The following RANBP2 variants were observed in gnomAD, a reference collection of about 807,000 sequenced individuals.
RANBP2 encodes RAN binding protein 2, also known as E3 SUMO-protein ligase RanBP2.
RANBP2 carries 57 observed loss-of-function variants against 303.6 expected under a neutral mutation model. The ratio of observed to expected loss-of-function variants is 0.19; its 90% CI spans 0.15 to 0.23. The LOEUF is 0.23. Ranked by LOEUF, RANBP2 falls within the 10% of genes least tolerant of loss-of-function variation. The pLI is 1.00. For missense variants in RANBP2, 3,138 were observed against 3,780.8 expected (o/e 0.83, Z 4.46); for synonymous variants, 1,167 against 1,301.5 (o/e 0.90, Z 2.23).
At chr2:109,488,312 G>C in the RANBP2 span, among the ~76,000 whole-genome samples, 1 of 152,188 alleles carries the variant, frequency 6.6e-6, no homozygotes, top group South Asian at 2.1e-4. Flanking sequence ...GCACCCCTGA[G>C]TTGTGACAGC....
chr2:109,012,589 T>G, the RANBP2 span, among the ~76,000 whole-genome samples: 6 of 149,608 alleles, frequency 4.0e-5, no homozygotes, highest in Non-Finnish European at 8.8e-5. Context: ...TCCACCCTGC[T>G]TTCTCCTCTT....
chr2:109,391,684 G>A, the RANBP2 span, among the ~76,000 whole-genome samples: 1 of 152,198 alleles, frequency 6.6e-6, no homozygotes. Flanking sequence ...TAAGAGTTTG[G>A]CATTGTCCAC....
chr2:109,405,561 C>T, the RANBP2 span, among the ~76,000 whole-genome samples: 1 of 152,218 alleles, frequency 6.6e-6, no homozygotes, highest in South Asian at 2.1e-4. Flanking sequence ...TCCCTTCCCA[C>T]CTGCCCATGT....
chr2:109,246,245 A>G, the RANBP2 span, among the ~76,000 whole-genome samples: 1 of 152,192 alleles, frequency 6.6e-6, no homozygotes, highest in Non-Finnish European at 1.5e-5. Context: ...TTTATTTCCC[A>G]CAGTTCTAGA....
At chr2:108,962,548 G>A in the RANBP2 span, among the ~76,000 whole-genome samples, 4 of 151,796 alleles carry the variant, frequency 2.6e-5, no homozygotes, top group African/African-American at 7.3e-5. Context: ...GGTGGCGGGC[G>A]CCTGTAGTCC....
chr2:108,825,926 T>TA, the RANBP2 span, among the ~76,000 whole-genome samples: 2 of 152,204 alleles, frequency 1.3e-5, no homozygotes, highest in African/African-American at 2.4e-5. Flanking sequence ...GGTCAAAACA[T>TA]ACGGATTTAA....
At chr2:108,848,653 T>G in the RANBP2 span, among the ~76,000 whole-genome samples, 3 of 152,182 alleles carry the variant, frequency 2.0e-5, no homozygotes, top group Non-Finnish European at 4.4e-5. Flanking sequence ...TAGGGAAATT[T>G]ATGTGGAAAA....
chr2:108,777,208 G>A lies in RANBP2; in HGVS notation c.8576G>A (p.Gly2859Glu). The A allele has an allele frequency of 6.2e-7, 1 of 1,613,482 alleles. No individual in the cohort carries two copies. The highest frequency in any genetic ancestry group is 8.5e-7 in the Non-Finnish European group (1 of 1,179,572). The change falls in exon 25 of 29, where the codon GGA becomes GAA. Residue 2859 changes from glycine to glutamate, a missense_variant. Physicochemically the swap from Gly to Glu is moderately conservative, Grantham distance 98. Coordinates refer to ENST00000283195, the MANE Select transcript of RANBP2 (RefSeq NM_006267.5). ...SFADLASSNS[G>E]DFAFGSKDKN... is the part of the protein sequence containing the mutation. The stretch of plus-strand genomic sequence containing the variant: ...GCAGACTTGGCTTCCAGTAATTCTG[G>A]AGATTTTGCTTTTGGTTCTAAAGGT...
chr2:108,768,028 G>C lies in RANBP2; in HGVS notation c.7489G>C (p.Val2497Leu). The change falls in exon 20 of 29, where the codon GTG becomes CTG. Residue 2497 changes from valine (V) to leucine (L), a missense_variant. This residue lies in a region of RANBP2 where 497 missense variants were observed against 465.8 expected (regional missense o/e 1.07). Coordinates refer to ENST00000283195, the MANE Select transcript of RANBP2 (RefSeq NM_006267.5). ...DVADATSEVE[V>L]SSTSETTPKA... ...AGCAGATGCAACTTCAGAAGTTGAA[G>C]TGTCTAGCACATCTGAAACAACACC... The C allele has an allele frequency of 2.5e-6, 4 of 1,612,044 alleles. No homozygotes were observed. The highest frequency in any genetic ancestry group is 3.4e-6 in the Non-Finnish European group (4 of 1,179,874).
chr2:108,749,137 A>G lies in RANBP2; in HGVS notation c.1273+8A>G, dbSNP rs1191067250. 4.3e-6 allele frequency: 7 copies of G among 1,611,850 alleles called. No homozygotes were observed. Among genetic ancestry groups the G allele is most frequent in the African/African-American group, 1.3e-5 (1 of 74,848 alleles). ...TGACTAGATACGATGTTGGTAAGTT[A>G]TATGTTTCAGAGGAAATGGTCTCCG... is the stretch of plus-strand genomic sequence containing the variant. On this transcript the variant is annotated splice_region_variant and intron_variant, in intron 9 of 28. Transcript: ENST00000283195.
the RANBP2 span, among the ~76,000 whole-genome samples, chr2:108,868,588 G>A: frequency 6.6e-6 from 1 of 152,106 alleles, no homozygotes; most frequent in East Asian, 1.9e-4. Context: ...TGCTGGCAGG[G>A]TAGCTACATG....
the RANBP2 span, among the ~76,000 whole-genome samples, chr2:109,375,077 C>T: frequency 6.6e-6 from 1 of 152,210 alleles, no homozygotes; most frequent in Admixed American, 6.5e-5. Context: ...GTACATTTCC[C>T]TCTGCTGTTC....
At chr2:109,426,008 C>A in the RANBP2 span, among the ~76,000 whole-genome samples, 1 of 152,198 alleles carries the variant, frequency 6.6e-6, no homozygotes, top group Non-Finnish European at 1.5e-5. Flanking sequence ...AGCCATTCTC[C>A]TGCCTCAGCC....
At chr2:108,945,012 G>T in the RANBP2 span, among the ~76,000 whole-genome samples, 1 of 152,218 alleles carries the variant, frequency 6.6e-6, no homozygotes, top group African/African-American at 2.4e-5. Flanking sequence ...CCAGCCTGGT[G>T]ATTTGAAAAA....
At chr2:109,005,489 A>G in the RANBP2 span, among the ~76,000 whole-genome samples, 1 of 152,048 alleles carries the variant, frequency 6.6e-6, no homozygotes, top group Non-Finnish European at 1.5e-5. Flanking sequence ...CTGGTATGCC[A>G]TCTTCCCTTC....
the RANBP2 span, among the ~76,000 whole-genome samples, chr2:109,123,529 C>T: frequency 2.6e-5 from 4 of 152,176 alleles, no homozygotes; most frequent in African/African-American, 9.7e-5. Flanking sequence ...GTATTTTTAG[C>T]TCTGGTCTTA....
the RANBP2 span, among the ~76,000 whole-genome samples, chr2:109,032,020 G>A: frequency 6.6e-6 from 1 of 151,410 alleles, no homozygotes; most frequent in East Asian, 2.0e-4. Flanking sequence ...AGTTCTTGGT[G>A]TTCAAACCCC....
In RANBP2 at chr2:108,775,754, C is replaced by A; in HGVS notation, c.8315C>A (p.Thr2772Asn). The change falls in exon 24 of 29, where the codon ACT (threonine) becomes AAT (asparagine). Residue 2772 changes from threonine to asparagine, a missense_variant. Thr to Asn is a moderately conservative substitution (Grantham distance 65). Transcript: ENST00000283195. ...EAQKSQTEEI[T>N]STTDSVYTGG... is the part of the protein sequence containing the mutation. ...CAGAAATCTCAGACAGAAGAAATAA[C>A]TAGCACAACTGACAGTGTATATACA... is the stretch of plus-strand genomic sequence containing the variant. 2 of 1,613,708 alleles carry A rather than the reference C, an allele frequency of 1.2e-6. No individual in the cohort carries two copies.
At chr2:109,799,261 G>T in the RANBP2 span, among the ~76,000 whole-genome samples, 12 of 136,852 alleles carry the variant, frequency 8.8e-5, no homozygotes, top group East Asian at 2.3e-3. Context: ...AAAAAGGAAG[G>T]GGGGAACAGG....
Sources: allele counts gnomAD v4.1 joint callset (sites outside exome capture counted in the v4.1 genomes callset), GRCh38; gene constraint gnomAD v4.1.1; regional missense constraint gnomAD v4.1.1; transcripts MANE v1.5; gene names NCBI Gene and HGNC (gene_info 2026-07-23, HGNC 2026-07-21).